The following DENND2B variants were observed in gnomAD, a reference collection of about 807,000 sequenced individuals.
The protein encoded by DENND2B is DENN domain containing 2B.
DENND2B carries 32 observed loss-of-function variants against 116.0 expected under a neutral mutation model. The observed-to-expected ratio is 0.28, with a 90% CI of 0.21 to 0.37. The LOEUF (loss-of-function observed/expected upper bound fraction) is 0.37, where lower values mean the gene tolerates loss of function less well. Ranked by LOEUF, DENND2B falls within the 10% of genes least tolerant of loss-of-function variation. DENND2B has a pLI of 1.00. For missense variants in DENND2B, 1,276 were observed against 1,477.7 expected (o/e 0.86, Z 2.24); for synonymous variants, 588 against 583.9 (o/e 1.01, Z -0.10).
At chr11:8,786,262 G>C (rs2058889247) in intron 1 of DENND2B, among the ~76,000 whole-genome samples, 1 of 151,998 alleles carries the variant, frequency 6.6e-6, no homozygotes, top group African/African-American at 2.4e-5. Flanking sequence ...AGAAAACCAA[G>C]ACTGCATAAG....
At chr11:8,828,602 G>C (rs2062069020) in intron 4 of DENND2B, among the ~76,000 whole-genome samples, 1 of 152,008 alleles carries the variant, frequency 6.6e-6, no homozygotes, top group African/African-American at 2.4e-5. Context: ...GTGAGAATGG[G>C]GACAAGCAGG....
chr11:8,838,545 A>C (rs1024552923), intron 4 of DENND2B, among the ~76,000 whole-genome samples: 1 of 152,218 alleles, frequency 6.6e-6, no homozygotes, highest in Non-Finnish European at 1.5e-5. Flanking sequence ...GACTAACTAA[A>C]TATTTCCTCT....
At chr11:8,883,506 A>ATTTTCT (rs2063925101) in intron 1 of DENND2B, among the ~76,000 whole-genome samples, 1 of 152,096 alleles carries the variant, frequency 6.6e-6, no homozygotes, top group Non-Finnish European at 1.5e-5. Flanking sequence ...CAAATCTTAC[A>ATTTTCT]TTTTCTTTTT....
At chr11:8,749,396 G>A (rs573694971) in intron 2 of DENND2B, among the ~76,000 whole-genome samples, 13 of 152,358 alleles carry the variant, frequency 8.5e-5, no homozygotes, top group Admixed American at 5.2e-4. Flanking sequence ...CAGTCTTGCT[G>A]CTGCAAGTGG....
intron 1 of DENND2B, among the ~76,000 whole-genome samples, chr11:8,754,029 G>GCGCGCGCGCGCGCACACACACA (rs146486674): frequency 4.3e-5 from 6 of 138,734 alleles, no homozygotes; most frequent in African/African-American, 1.4e-4. Context: ...CCAAAAGCGC[G>GCGCGCGCGCGCGCACACACACA]CACACACACA....
chr11:8,779,418 C>T (rs2058104429), intron 1 of DENND2B, among the ~76,000 whole-genome samples: 1 of 152,138 alleles, frequency 6.6e-6, no homozygotes, highest in Non-Finnish European at 1.5e-5. Flanking sequence ...GAACCCTCCC[C>T]TCTGGGTTAC....
intron 1 of DENND2B, among the ~76,000 whole-genome samples, chr11:8,772,990 G>A (rs1001141745): frequency 4.6e-5 from 7 of 151,876 alleles, no homozygotes; most frequent in Admixed American, 1.3e-4. Flanking sequence ...TTTCTGCCCC[G>A]CTCTGAGCCC....
At chr11:8,779,296 C>T (rs1449032847) in intron 1 of DENND2B, among the ~76,000 whole-genome samples, 1 of 152,094 alleles carries the variant, frequency 6.6e-6, no homozygotes, top group Non-Finnish European at 1.5e-5. Flanking sequence ...ACTCAAGGTC[C>T]CAAGGCAGAG....
Position 8,743,655 on chromosome 11 carries a change from C to T in DENND2B, c.80+6966G>A, listed in dbSNP as rs16938637. ...CTTATGAGTGGGTCCTGTAAATCCT[C>T]TCTGAAGACAGTAAGGCTCCTAAGA... On this transcript the variant is annotated intron_variant, in intron 2 of 19. Transcript: ENST00000313726. 5.2e-3 allele frequency among the ~76,000 whole-genome samples: 796 copies of T among 152,240 alleles called. 6 individuals are homozygous for T. The highest frequency in any genetic ancestry group is 0.018 in the African/African-American group (731 of 41,534).
At chr11:8,695,811 A>G in intron 18 of DENND2B, 1 of 516,326 alleles carries the variant, frequency 1.9e-6, no homozygotes. Context: ...GCTGCTTCTC[A>G]GTTCAGAGCT....
chr11:8,754,063 A>AC lies in DENND2B; in HGVS notation c.-25-3339_-25-3338insG, dbSNP rs1555169802. On this transcript the variant is annotated intron_variant, in intron 1 of 19. Coordinates refer to ENST00000313726, the MANE Select transcript of DENND2B (RefSeq NM_213618.2). ...CACACACACACACACACACACACAC[A>AC]AAGGACATGAATTGTACTATGTCAA... 2.3e-4 allele frequency among the ~76,000 whole-genome samples: 35 copies of AC among 152,034 alleles called. No homozygotes were observed. The East Asian group carries it at 3.5e-3, about 15-fold the overall frequency.
intron 1 of DENND2B, among the ~76,000 whole-genome samples, chr11:8,806,250 T>C (rs1195232385): frequency 6.6e-6 from 1 of 152,106 alleles, no homozygotes; most frequent in Non-Finnish European, 1.5e-5. Flanking sequence ...ACTATGTGAT[T>C]TCCAACAGTC....
chr11:8,780,041 C>T (rs560167461), intron 1 of DENND2B, among the ~76,000 whole-genome samples: 2 of 152,168 alleles, frequency 1.3e-5, no homozygotes, highest in South Asian at 2.1e-4. Context: ...ATTCTTTTCT[C>T]GCTAGAGCAG....
intron 2 of DENND2B, chr11:8,857,534 A>T (rs1336454951): frequency 6.6e-6 from 1 of 152,212 alleles, no homozygotes; most frequent in Admixed American, 6.5e-5. Context: ...ATCCCAGAGG[A>T]TCTGATTCAG....
Position 8,707,994 on chromosome 11 carries a change from C to T in DENND2B, c.2353-140G>A, listed in dbSNP as rs1000533096. Reference sequence around the variant, plus strand: ...AAGACTTTAAGCCTCCTCTAAACCTCTCTGCAACCAGAGCCCTGAAGGAAC... The same window carrying T: ...AAGACTTTAAGCCTCCTCTAAACCTTTCTGCAACCAGAGCCCTGAAGGAAC... On this transcript the variant is annotated intron_variant, in intron 11 of 19. Coordinates refer to ENST00000313726, the MANE Select transcript of DENND2B (RefSeq NM_213618.2). The surrounding 1 kb of genome is among the most constrained non-coding windows in gnomAD (Gnocchi z 4.8). 5 of 1,530,508 alleles carry T rather than the reference C, an allele frequency of 3.3e-6. No individual in the cohort carries two copies. In the African/African-American group the frequency reaches 5.5e-5, roughly 17 times the overall value. The allele number at this position is 1,530,508 out of a possible 1,614,324, so 94.8% of individuals were successfully genotyped here.
At chr11:8,750,928 G>A (rs1436065448) in intron 1 of DENND2B, among the ~76,000 whole-genome samples, 1 of 152,208 alleles carries the variant, frequency 6.6e-6, no homozygotes, top group Non-Finnish European at 1.5e-5. Flanking sequence ...AGGAGTGTGA[G>A]CTAATTTGAT....
intron 14 of DENND2B, among the ~76,000 whole-genome samples, chr11:8,701,344 C>CAGGGGGG (rs1491336392): frequency 8.9e-5 from 1 of 11,240 alleles, no homozygotes; most frequent in African/African-American, 4.4e-4. Context: ...GGCCAGCTTC[C>CAGGGGGG]GGGGGGGGGG....
chr11:8,854,283 C>A (rs2063119130), intron 3 of DENND2B, among the ~76,000 whole-genome samples: 1 of 152,140 alleles, frequency 6.6e-6, no homozygotes, highest in African/African-American at 2.4e-5. Context: ...CTCACTGCAA[C>A]CTCCACCTCC....
chr11:8,878,950 G>T (rs950924539), intron 2 of DENND2B, among the ~76,000 whole-genome samples: 1 of 152,106 alleles, frequency 6.6e-6, no homozygotes, highest in Non-Finnish European at 1.5e-5. Flanking sequence ...AAAATGTTTT[G>T]GAACTAGAAG....
Sources: gnomAD v4.1 joint callset for allele counts (sites outside exome capture counted in the v4.1 genomes callset) on GRCh38, gnomAD v4.1.1 for gene constraint, Gnocchi (gnomAD v3.1) non-coding constraint, MANE v1.5 for transcripts, NCBI Gene and HGNC (gene_info 2026-07-23, HGNC 2026-07-21) for gene names.